Variants in CEP57L1 observed in about 807,000 individuals in gnomAD.
CEP57L1 encodes the protein centrosomal protein 57 like 1, also known as centrosomal protein CEP57L1.
CEP57L1 carries 37 observed loss-of-function variants against 61.0 expected under a neutral mutation model. The observed-to-expected ratio is 0.61, with a 90% confidence interval of 0.47 to 0.80. CEP57L1 has a LOEUF of 0.80. Ranked by LOEUF, CEP57L1 falls within the 30% of genes least tolerant of loss-of-function variation. CEP57L1 has a pLI of 0.00. For synonymous variants in CEP57L1, 137 were observed against 162.3 expected, an observed-to-expected ratio of 0.84 and a Z score of 1.19; for missense variants, 422 against 524.7, an observed-to-expected ratio of 0.80 and a Z score of 1.91.
intron 9 of CEP57L1, 50 bp downstream of exon 9, chr6:109,159,512 T>C: frequency 6.5e-7 from 1 of 1,543,818 alleles, no homozygotes; most frequent in South Asian, 1.2e-5. Context: ...TCTCGCTATG[T>C]TGCCCAGGCT....
At chr6:109,135,936 G>C (rs1770613402) in intron 1 of CEP57L1, among the ~76,000 whole-genome samples, 1 of 152,174 alleles carries the variant, frequency 6.6e-6, no homozygotes, top group African/African-American at 2.4e-5. Flanking sequence ...AGAGGATGTG[G>C]AGAAATAGAA....
At chr6:109,110,767 A>G (rs1411656088) in intron 1 of CEP57L1, among the ~76,000 whole-genome samples, 2 of 152,090 alleles carry the variant, frequency 1.3e-5, no homozygotes, top group African/African-American at 4.8e-5. Flanking sequence ...TCCCAGCACC[A>G]TTTATTAAAT....
chr6:109,165,909 A>G lies in CEP57L1; in HGVS notation c.*2939A>G, dbSNP rs1460778652. ...TGGTATGATTTCACGGATTTTGTTC[A>G]CTTAAGTAAAAAACAGATTTGTTTG... On this transcript the variant is annotated 3_prime_UTR_variant, in exon 11 of 11. Transcript: ENST00000517392. The G allele has an allele frequency of 1.3e-5, 2 of 152,228 alleles. No homozygotes were observed. The highest frequency in any genetic ancestry group is 4.8e-5 in the African/African-American group (2 of 41,460). The allele number at this position is 152,228 out of a possible 1,614,324, so 9.4% of individuals were successfully genotyped here. A position where few individuals can be genotyped will look rare whatever the true frequency, so the allele number is the denominator to read the frequency against.
intron 1 of CEP57L1, among the ~76,000 whole-genome samples, chr6:109,131,764 A>T (rs905645717): frequency 6.6e-6 from 1 of 152,110 alleles, no homozygotes; most frequent in Admixed American, 6.6e-5. Flanking sequence ...AGAAGGCCCA[A>T]TTCTGTGGAG....
intron 6 of CEP57L1, 91 bp downstream of exon 6, chr6:109,155,398 C>T: frequency 1.5e-6 from 1 of 646,808 alleles, no homozygotes; most frequent in Non-Finnish European, 2.4e-6. Context: ...GTTCTAGATT[C>T]TAATTTCTGC....
At chr6:109,127,325 C>T (rs911337186) in intron 1 of CEP57L1, among the ~76,000 whole-genome samples, 1 of 151,978 alleles carries the variant, frequency 6.6e-6, no homozygotes, top group African/African-American at 2.4e-5. Context: ...TTGACTCACC[C>T]CCTTCCCTTT....
intron 9 of CEP57L1, 126 bp downstream of exon 9, chr6:109,159,588 C>A: frequency 1.3e-6 from 1 of 771,616 alleles, no homozygotes. Context: ...GGATTACAAG[C>A]ATGAGCCACC....
chr6:109,112,668 A>G (rs1414668746), intron 1 of CEP57L1, among the ~76,000 whole-genome samples: 1 of 152,054 alleles, frequency 6.6e-6, no homozygotes, highest in African/African-American at 2.4e-5. Context: ...ATTTCCCCCT[A>G]CACATTCCTT....
rs1322909499 is a variant in CEP57L1 at position 109,159,548 on chromosome 6, A to G, written c.1016+86A>G. The G allele has an allele frequency of 7.0e-6, 9 of 1,287,880 alleles. No homozygotes were observed. In the East Asian group the frequency reaches 7.1e-5, roughly 10 times the overall value. The allele number at this position is 1,287,880 out of a possible 1,614,324, so 79.8% of individuals were successfully genotyped here. ...AGTCTTGAACTCCTGGTTTCAGGCA[A>G]TCCTCCTGCCTCGGCCTCCCAAAGT... On this transcript the variant is annotated intron_variant, in intron 9 of 10. Transcript: ENST00000517392.
chr6:109,152,925 A>G (rs1367282642), intron 4 of CEP57L1, among the ~76,000 whole-genome samples: 1 of 151,946 alleles, frequency 6.6e-6, no homozygotes, highest in African/African-American at 2.4e-5. Flanking sequence ...CCTGAGCAAC[A>G]CGGTGAAACC....
In CEP57L1 at chr6:109,153,865, G is replaced by A. The variant is rs780104251; in HGVS notation, c.495G>A (p.Gln165=). 2 of 1,612,156 alleles carry A rather than the reference G, an allele frequency of 1.2e-6. No individual in the cohort carries two copies. Among genetic ancestry groups the A allele is most frequent in the South Asian group, 2.2e-5 (2 of 90,846 alleles). ...TTCAGAGGGAAAAAGAACAAGATCA[G>A]ATGAAGCTGTATGCAAAACTTGAAA... ...AQLQREKEQD[Q]MKLYAKLEKL... is the part of the protein sequence containing the mutation. The change falls in exon 5 of 11, where the codon CAG becomes CAA. Residue 165 remains glutamine, a synonymous_variant. Transcript: ENST00000517392.
rs1203751618 is a variant in CEP57L1 at position 109,163,637 on chromosome 6, C to G, written c.*667C>G. On this transcript the variant is annotated 3_prime_UTR_variant, in exon 11 of 11. Transcript: ENST00000517392. ...ATCAATGATCAATTTTATCTTACTA[C>G]TTTATAACTTTTGCTGACTTTTATT... 6.6e-6 allele frequency: 1 copy of G among 151,996 alleles called. No homozygotes were observed. Among genetic ancestry groups the G allele is most frequent in the African/African-American group, 2.4e-5 (1 of 41,390 alleles). 9.4% of individuals were successfully genotyped at this position (151,996 alleles called of 1,614,324 possible).
chr6:109,155,141 A>G, intron 5 of CEP57L1, 89 bp from the exon 6 acceptor site: 1 of 608,274 alleles, frequency 1.6e-6, no homozygotes, highest in Non-Finnish European at 2.7e-6. Context: ...CTTAAGAATC[A>G]AGACCCCCTA....
rs752974219 is a variant in CEP57L1, at chr6:109,174,175, A to C, written c.*11205A>C. ...TAGGAGATAGGGCCTAATGGATATA[A>C]ATTACAGTGTCTAAGATGGATACTT... On this transcript the variant is annotated 3_prime_UTR_variant, in exon 11 of 11. Coordinates refer to ENST00000517392, the MANE Select transcript of CEP57L1 (RefSeq NM_001271852.3). Among the ~76,000 whole-genome samples, 2 of 152,054 alleles carry C rather than the reference A, an allele frequency of 1.3e-5. No homozygotes were observed. The highest frequency in any genetic ancestry group is 2.9e-5 in the Non-Finnish European group (2 of 68,006).
rs115052678 is a variant in CEP57L1, at chr6:109,119,335, A to G, written c.-4+23760A>G. 8.2e-3 allele frequency among the ~76,000 whole-genome samples: 1,256 copies of G among 152,248 alleles called. 23 individuals carry two copies. The highest frequency in any genetic ancestry group is 0.029 in the African/African-American group (1,205 of 41,530). On this transcript the variant is annotated intron_variant, in intron 1 of 10. Transcript: ENST00000517392. ...AATTAGTAGTAGGAAAATCACTTCA[A>G]AAGGCTACGTAATGGGACCAATAAA...
chr6:109,120,419 T>G (rs1359592120), intron 1 of CEP57L1, among the ~76,000 whole-genome samples: 1 of 152,154 alleles, frequency 6.6e-6, no homozygotes. Context: ...AGAAAAGTGC[T>G]TAGGTCTATA....
intron 1 of CEP57L1, among the ~76,000 whole-genome samples, chr6:109,126,048 G>A (rs183193131): frequency 3.3e-5 from 5 of 152,176 alleles, no homozygotes; most frequent in Admixed American, 3.3e-4. Context: ...CATTAGCATA[G>A]GGAGGTAGGA....
intron 10 of CEP57L1, among the ~76,000 whole-genome samples, chr6:109,162,545 A>T (rs1773811548): frequency 6.6e-6 from 1 of 152,038 alleles, no homozygotes; most frequent in Admixed American, 6.6e-5. Flanking sequence ...TGAAAGTAAG[A>T]GCTTTTTTCT....
intron 1 of CEP57L1, among the ~76,000 whole-genome samples, chr6:109,134,991 A>G (rs1362408441): frequency 6.6e-6 from 1 of 152,208 alleles, no homozygotes; most frequent in Non-Finnish European, 1.5e-5. Context: ...ATACTGCCCA[A>G]AGTAATTTAT....
Sources: allele counts gnomAD v4.1 joint callset (sites outside exome capture counted in the v4.1 genomes callset), GRCh38; gene constraint gnomAD v4.1.1; transcripts MANE v1.5; gene names NCBI Gene and HGNC (gene_info 2026-07-23, HGNC 2026-07-21).